The following TBC1D9 variants were observed in gnomAD, a reference collection of about 807,000 sequenced individuals.
TBC1D9 encodes TBC1 domain family member 9A.
Under a neutral mutation model 132.0 loss-of-function variants are expected in TBC1D9, and 63 were observed. The ratio of observed to expected loss-of-function variants is 0.48; its 90% CI spans 0.39 to 0.59. The LOEUF (loss-of-function observed/expected upper bound fraction) is 0.59. TBC1D9 is among the 20% of genes least tolerant of loss of function. The pLI is 0.00. For missense variants in TBC1D9, 1,261 were observed against 1,592.7 expected (o/e 0.79, Z 3.54); for synonymous variants, 610 against 609.9 (o/e 1.00, Z 0.00).
chr4:140,651,240 G>A (rs945130950), intron 13 of TBC1D9, among the ~76,000 whole-genome samples: 16 of 152,186 alleles, frequency 1.1e-4, no homozygotes, highest in Admixed American at 3.9e-4. Context: ...AGGCCAAGGC[G>A]GGCAGATCAC....
At chr4:140,622,990 A>C in intron 20 of TBC1D9, 73 bp from the exon 21 acceptor site, 1 of 1,430,186 alleles carries the variant, frequency 7.0e-7, no homozygotes, top group Non-Finnish European at 9.1e-7. Context: ...GTGGACTGTA[A>C]AGCCATTTAA....
rs762168760 is a variant in TBC1D9 at position 140,679,859 on chromosome 4, A to G, written c.361-16T>C. 2 of 1,581,388 alleles carry G rather than the reference A, an allele frequency of 1.3e-6. No individual in the cohort carries two copies. The highest frequency in any genetic ancestry group is 4.5e-5 in the East Asian group (2 of 44,668). On this transcript the variant is annotated splice_polypyrimidine_tract_variant and intron_variant, in intron 3 of 20. Coordinates refer to ENST00000442267, the MANE Select transcript of TBC1D9 (RefSeq NM_015130.3). ...CAATGATGCCCTAATAAGGAATAAA[A>G]CACAAAGCACACAACTGGTATTAAT...
chr4:140,694,678 A>T (rs1737924566), intron 2 of TBC1D9, among the ~76,000 whole-genome samples: 1 of 149,666 alleles, frequency 6.7e-6, no homozygotes. Flanking sequence ...GCATTTAAAT[A>T]CATATCTGTT....
chr4:140,747,337 G>A (rs1738852270), intron 1 of TBC1D9, among the ~76,000 whole-genome samples: 1 of 147,982 alleles, frequency 6.8e-6, no homozygotes, highest in Non-Finnish European at 1.5e-5. Flanking sequence ...GGATGACAGA[G>A]AGAGACTCTG....
At chr4:140,650,677 C>T (rs542870472) in intron 13 of TBC1D9, among the ~76,000 whole-genome samples, 5 of 152,216 alleles carry the variant, frequency 3.3e-5, no homozygotes, top group East Asian at 1.9e-4. Context: ...GGATTACAGG[C>T]GCCCATCACC....
chr4:140,639,819 C>T (rs907549348), intron 13 of TBC1D9, among the ~76,000 whole-genome samples: 2 of 152,168 alleles, frequency 1.3e-5, no homozygotes, highest in African/African-American at 2.4e-5. Context: ...TGTGAGTCTC[C>T]CTGCTCCTGA....
rs1736727212 is a variant in TBC1D9 at position 140,627,475 on chromosome 4, G to A, written c.2865C>T (p.Tyr955=). The A allele has an allele frequency of 1.2e-6, 2 of 1,610,844 alleles. No homozygotes were observed. Among genetic ancestry groups the A allele is most frequent in the Non-Finnish European group, 8.5e-7 (1 of 1,178,232 alleles). ...ATTCTGGGGTAATATCTTCAAAGAA[G>A]TACTGAGTTGCTTCAAAAGCAGAAT... ...EPDSAFEATQ[Y]FFEDITPECT... Residue 955 remains tyrosine (Y), a synonymous_variant, in exon 18 of 21, where the codon TAC becomes TAT. Transcript: ENST00000442267.
intron 13 of TBC1D9, chr4:140,644,906 C>G (rs1737077894): frequency 6.7e-6 from 3 of 444,796 alleles, no homozygotes; most frequent in Non-Finnish European, 1.3e-5. Context: ...AGGGAGCCCC[C>G]AGGCTGGGTG....
chr4:140,717,241 T>C (rs969830841), intron 1 of TBC1D9, among the ~76,000 whole-genome samples: 2 of 152,196 alleles, frequency 1.3e-5, no homozygotes, highest in South Asian at 4.1e-4. Flanking sequence ...CAGGAGCTTT[T>C]GCCCAACTTT....
intron 1 of TBC1D9, among the ~76,000 whole-genome samples, chr4:140,725,732 G>T (rs764472772): frequency 2.0e-5 from 3 of 152,020 alleles, no homozygotes; most frequent in Non-Finnish European, 4.4e-5. Flanking sequence ...GGTTGGGCAC[G>T]GCAATTGTTC....
intron 13 of TBC1D9, chr4:140,644,480 C>T (rs1472037987): frequency 6.6e-6 from 2 of 301,022 alleles, no homozygotes; most frequent in Admixed American, 5.0e-5. Flanking sequence ...CATAGATGCT[C>T]GCAGGGCCGG....
intron 6 of TBC1D9, among the ~76,000 whole-genome samples, chr4:140,674,554 G>A (rs1737592569): frequency 6.6e-6 from 1 of 151,890 alleles, no homozygotes; most frequent in South Asian, 2.1e-4. Context: ...GATGGTGTAT[G>A]CCTGTAATCT....
chr4:140,710,885 AG>A (rs1738232209), intron 1 of TBC1D9, among the ~76,000 whole-genome samples: 1 of 152,240 alleles, frequency 6.6e-6, no homozygotes, highest in South Asian at 2.1e-4. Context: ...CAGAATTTCA[AG>A]GCAGCAGCAG....
chr4:140,691,464 T>C (rs2111030656), intron 2 of TBC1D9, among the ~76,000 whole-genome samples: 1 of 152,322 alleles, frequency 6.6e-6, no homozygotes, highest in African/African-American at 2.4e-5. Context: ...GGAACTGATC[T>C]ATTTACCCAG....
intron 1 of TBC1D9, among the ~76,000 whole-genome samples, chr4:140,719,392 T>C (rs1001172626): frequency 1.3e-5 from 2 of 152,164 alleles, no homozygotes; most frequent in African/African-American, 4.8e-5. Context: ...CTTTAAATAA[T>C]GCTTAATTTT....
chr4:140,676,829 T>G, intron 6 of TBC1D9, 65 bp downstream of exon 6: 1 of 1,570,360 alleles, frequency 6.4e-7, no homozygotes, highest in Non-Finnish European at 8.6e-7. Flanking sequence ...AAAAAATTAT[T>G]CCTGGTTCAC....
At chr4:140,672,218 CATATA>C (rs992347162) in intron 6 of TBC1D9, among the ~76,000 whole-genome samples, 15 of 149,014 alleles carry the variant, frequency 1.0e-4, no homozygotes, top group Admixed American at 6.0e-4. Flanking sequence ...TAATATATGA[CATATA>C]ATATACATTA....
intron 1 of TBC1D9, among the ~76,000 whole-genome samples, chr4:140,705,112 T>G (rs147353300): frequency 2.0e-5 from 3 of 152,350 alleles, no homozygotes; most frequent in African/African-American, 7.2e-5. Context: ...AATTGAGGTA[T>G]GCAGTTGGCC....
chr4:140,687,460 C>G (rs532710361), intron 2 of TBC1D9, among the ~76,000 whole-genome samples: 4 of 142,604 alleles, frequency 2.8e-5, no homozygotes, highest in East Asian at 2.2e-4. Context: ...ATTGATTCAC[C>G]CTTCAGGATT....
Sources: allele counts gnomAD v4.1 joint callset (sites outside exome capture counted in the v4.1 genomes callset), GRCh38; gene constraint gnomAD v4.1.1; transcripts MANE v1.5; gene names NCBI Gene and HGNC (gene_info 2026-07-23, HGNC 2026-07-21).